The following IQGAP2 variants were observed in gnomAD, a reference collection of about 807,000 sequenced individuals.
The protein encoded by IQGAP2 is ras GTPase-activating-like protein IQGAP2.
In IQGAP2, 173 loss-of-function variants were observed where a neutral mutation model predicts 201.3. The observed-to-expected ratio is 0.86, with a 90% CI of 0.76 to 0.98. The LOEUF is 0.98. IQGAP2 is among the 50% of genes least tolerant of loss of function. The pLI is 0.00. For synonymous variants in IQGAP2, 675 were observed against 673.9 expected (o/e 1.00, Z -0.03); for missense variants, 1,687 against 1,864.8 (o/e 0.90, Z 1.76).
At chr5:76,698,193 A>G (rs1580849891) in intron 33 of IQGAP2, 46 bp downstream of exon 33, 14 of 1,422,414 alleles carry the variant, frequency 9.8e-6, no homozygotes, top group Non-Finnish European at 1.4e-5. Flanking sequence ...CATGATTTCT[A>G]TGAGATGTCA....
intron 22 of IQGAP2, among the ~76,000 whole-genome samples, chr5:76,666,271 G>A (rs779075127): frequency 4.6e-5 from 7 of 152,274 alleles, no homozygotes; most frequent in South Asian, 2.1e-4. Context: ...ACTGTTTCAC[G>A]CCAGCAAACC....
chr5:76,504,548 C>T (rs1024831501), intron 2 of IQGAP2, among the ~76,000 whole-genome samples: 1 of 152,126 alleles, frequency 6.6e-6, no homozygotes, highest in African/African-American at 2.4e-5. Context: ...ATGTGTAGCT[C>T]CAGCCCAGGC....
intron 27 of IQGAP2, among the ~76,000 whole-genome samples, chr5:76,676,087 A>T (rs868332515): frequency 6.0e-4 from 85 of 142,272 alleles, no homozygotes; most frequent in African/African-American, 1.5e-3. Context: ...TCACACACAC[A>T]CACACACACA....
At chr5:76,552,066 G>A (rs115562156) in intron 2 of IQGAP2, among the ~76,000 whole-genome samples, 43 of 152,248 alleles carry the variant, frequency 2.8e-4, no homozygotes, top group African/African-American at 6.0e-4. Context: ...GAACACTTTC[G>A]TTGTGGGGTG....
intron 25 of IQGAP2, 124 bp downstream of exon 25, chr5:76,673,713 T>C (rs1296706824): frequency 9.6e-7 from 1 of 1,043,146 alleles, no homozygotes; most frequent in Non-Finnish European, 1.4e-6. Context: ...TTTTAAAAGA[T>C]TGCCTACATT....
At chr5:76,577,839 CA>C (rs1745573108) in intron 5 of IQGAP2, among the ~76,000 whole-genome samples, 1 of 152,146 alleles carries the variant, frequency 6.6e-6, no homozygotes, top group South Asian at 2.1e-4. Context: ...ATCCTGGCTG[CA>C]AATACAGCAC....
At chr5:76,499,775 T>C (rs1757175541) in intron 2 of IQGAP2, among the ~76,000 whole-genome samples, 1 of 152,174 alleles carries the variant, frequency 6.6e-6, no homozygotes, top group African/African-American at 2.4e-5. Context: ...ACCAAGAGAA[T>C]AGGCTCACAG....
intron 2 of IQGAP2, among the ~76,000 whole-genome samples, chr5:76,558,599 C>T (rs1032776261): frequency 6.6e-6 from 1 of 152,136 alleles, no homozygotes; most frequent in Non-Finnish European, 1.5e-5. Context: ...TTATTTGACA[C>T]AAGGCCCACA....
chr5:76,654,312 G>A, intron 19 of IQGAP2, 41 bp downstream of exon 19: 1 of 1,262,208 alleles, frequency 7.9e-7, no homozygotes, highest in Non-Finnish European at 1.1e-6. Context: ...GGTTGATAAT[G>A]ACCTAAATGA....
chr5:76,492,229 G>A (rs1756596125), intron 2 of IQGAP2, among the ~76,000 whole-genome samples: 1 of 152,196 alleles, frequency 6.6e-6, no homozygotes, highest in Non-Finnish European at 1.5e-5. Context: ...GTGCTGCTAG[G>A]CAGAGGAGTT....
chr5:76,428,762 T>C (rs112995322), intron 1 of IQGAP2, among the ~76,000 whole-genome samples: 18 of 148,086 alleles, frequency 1.2e-4, no homozygotes, highest in Non-Finnish European at 2.2e-4. Flanking sequence ...GGGCAGCGTC[T>C]TTCCATTGCT....
At chr5:76,664,974 A>C in intron 21 of IQGAP2, 52 bp from the exon 22 acceptor site, 1 of 987,812 alleles carries the variant, frequency 1.0e-6, no homozygotes, top group Non-Finnish European at 1.6e-6. Flanking sequence ...TGAAGGGAGG[A>C]GATAAAGAGT....
chr5:76,673,716 C>G, intron 25 of IQGAP2, 127 bp downstream of exon 25: 4 of 994,928 alleles, frequency 4.0e-6, no homozygotes, highest in East Asian at 2.4e-5. Context: ...TAAAAGATTG[C>G]CTACATTTAC....
At chr5:76,613,291 G>C (rs1209184646) in intron 13 of IQGAP2, among the ~76,000 whole-genome samples, 1 of 152,224 alleles carries the variant, frequency 6.6e-6, no homozygotes, top group African/African-American at 2.4e-5. Context: ...TTTCCACTGA[G>C]GTGGCTGTGG....
chr5:76,411,962 C>T (rs1388474324), intron 1 of IQGAP2, among the ~76,000 whole-genome samples: 9 of 152,148 alleles, frequency 5.9e-5, no homozygotes, highest in Admixed American at 4.6e-4. Context: ...CTTCTAATCC[C>T]TGGGGGTGGC....
At chr5:76,485,795 T>C (rs752498113) in intron 2 of IQGAP2, among the ~76,000 whole-genome samples, 29 of 152,352 alleles carry the variant, frequency 1.9e-4, no homozygotes, top group Non-Finnish European at 2.9e-4. Flanking sequence ...TATGCACTGC[T>C]GGGTCTGTCC....
chr5:76,590,980 C>T (rs1746607948), intron 8 of IQGAP2, among the ~76,000 whole-genome samples: 1 of 151,886 alleles, frequency 6.6e-6, no homozygotes, highest in South Asian at 2.1e-4. Flanking sequence ...GCCTGTAGTC[C>T]CAACTACTCG....
At chr5:76,446,009 T>A (rs978104045) in intron 1 of IQGAP2, among the ~76,000 whole-genome samples, 9 of 152,260 alleles carry the variant, frequency 5.9e-5, no homozygotes, top group Admixed American at 5.9e-4. Flanking sequence ...CTGTAGCATG[T>A]GTCAGTATTT....
chr5:76,550,865 G>A (rs1017814015), intron 2 of IQGAP2, among the ~76,000 whole-genome samples: 1 of 152,212 alleles, frequency 6.6e-6, no homozygotes, highest in Non-Finnish European at 1.5e-5. Context: ...TGAGCTGTTG[G>A]GTACACCTCC....
Sources: gnomAD v4.1 joint callset for allele counts (sites outside exome capture counted in the v4.1 genomes callset) on GRCh38, gnomAD v4.1.1 for gene constraint, MANE v1.5 for transcripts, NCBI Gene and HGNC (gene_info 2026-07-23, HGNC 2026-07-21) for gene names.